The following ELFN1 variants were observed in gnomAD, a reference collection of about 807,000 sequenced individuals.
ELFN1 encodes extracellular leucine rich repeat and fibronectin type III domain containing 1, also known as protein ELFN1.
Under a neutral mutation model 7.6 loss-of-function variants are expected in ELFN1, and 6 were observed. That is an observed-to-expected ratio of 0.79 (90% CI 0.43 to 1.56). The LOEUF (loss-of-function observed/expected upper bound fraction) is 1.56, where lower values mean the gene tolerates loss of function less well. Among genes scored for constraint, ELFN1 ranks in the 40% most tolerant of loss-of-function variants. The pLI is 0.01. For missense variants in ELFN1, 1,169 were observed against 1,232.2 expected (o/e 0.95, Z 0.77); for synonymous variants, 657 against 588.1 (o/e 1.12, Z -1.70).
At chr7:1,732,767 T>C (rs1780351391) in intron 3 of ELFN1, among the ~76,000 whole-genome samples, 1 of 152,002 alleles carries the variant, frequency 6.6e-6, no homozygotes, top group Non-Finnish European at 1.5e-5. Flanking sequence ...AAAGCAAGCA[T>C]CTCCAGGCTG....
intron 1 of ELFN1, among the ~76,000 whole-genome samples, chr7:1,677,816 T>G (rs1184074804): frequency 2.6e-5 from 4 of 151,978 alleles, no homozygotes; most frequent in Non-Finnish European, 4.4e-5. Context: ...GGATGGAGGC[T>G]CTGAGATGCA....
At chr7:1,731,695 A>C (rs1780327961) in intron 3 of ELFN1, among the ~76,000 whole-genome samples, 1 of 152,230 alleles carries the variant, frequency 6.6e-6, no homozygotes, top group East Asian at 1.9e-4. Context: ...TCTGTCGCCC[A>C]GGCTGGGGTG....
At chr7:1,741,864 G>T (rs777359725) in intron 3 of ELFN1, among the ~76,000 whole-genome samples, 2 of 152,148 alleles carry the variant, frequency 1.3e-5, no homozygotes, top group African/African-American at 4.8e-5. Context: ...CAGACAGGGG[G>T]TCCTCAGTGA....
intron 1 of ELFN1, among the ~76,000 whole-genome samples, chr7:1,679,116 C>T (rs1778925961): frequency 6.6e-6 from 1 of 152,074 alleles, no homozygotes; most frequent in Non-Finnish European, 1.5e-5. Context: ...CAGCTAGAGC[C>T]CACCCCCCAC....
At chr7:1,676,820 G>T (rs139361835) in intron 1 of ELFN1, among the ~76,000 whole-genome samples, 3 of 152,372 alleles carry the variant, frequency 2.0e-5, no homozygotes, top group Non-Finnish European at 4.4e-5. Context: ...GGCTGCTCCT[G>T]TGTCGGAGCT....
Position 1,747,302 on chromosome 7 carries a change from C to CCACACACACACACA in ELFN1, c.*239_*252dup, listed in dbSNP as rs143376319. ...GCTTGTCGCCCCGGGTGGCACGTGT[C>CCACACACACACACA]CACACACACACACACACACACACAC... On this transcript the variant is annotated 3_prime_UTR_variant, in exon 4 of 4. Coordinates refer to ENST00000424383, the MANE Select transcript of ELFN1 (RefSeq NM_001128636.4). The CCACACACACACACA allele has an allele frequency of 3.4e-4, 91 of 270,272 alleles. 1 individual carries two copies. The highest frequency in any genetic ancestry group is 2.5e-3 in the African/African-American group (79 of 31,934). The allele number at this position is 270,272 out of a possible 1,614,324, so 16.7% of individuals were successfully genotyped here. A position where few individuals can be genotyped will look rare whatever the true frequency, so the allele number is the denominator to read the frequency against.
chr7:1,678,872 G>A (rs1052557277), intron 1 of ELFN1, among the ~76,000 whole-genome samples: 4 of 152,226 alleles, frequency 2.6e-5, no homozygotes, highest in Non-Finnish European at 4.4e-5. Context: ...TGCGGGCATC[G>A]CGTGGACACG....
In ELFN1 at chr7:1,720,542, C is replaced by G. The variant is rs536270610; in HGVS notation, c.-294+11290C>G. 1.4e-4 allele frequency among the ~76,000 whole-genome samples: 21 copies of G among 152,366 alleles called. No homozygotes were observed. The South Asian group carries it at 4.1e-3, about 30-fold the overall frequency. On this transcript the variant is annotated intron_variant, in intron 3 of 3. Coordinates refer to ENST00000424383, the MANE Select transcript of ELFN1 (RefSeq NM_001128636.4). ...ATGAATGGAAAACCGCCTTCAATAA[C>G]CGGGCCCCATCTAACCAGGCAGGTG... is the stretch of plus-strand genomic sequence containing the variant.
chr7:1,695,584 A>G lies in ELFN1; in HGVS notation c.-456+7434A>G, dbSNP rs1779285245. ...AACATGGAGAAACCCCGTCTCTACT[A>G]AAAAATACAAAAATTAGCCGGGCGT... is the stretch of plus-strand genomic sequence containing the variant. On this transcript the variant is annotated intron_variant, in intron 2 of 3. Coordinates refer to ENST00000424383, the MANE Select transcript of ELFN1 (RefSeq NM_001128636.4). The surrounding 1 kb of genome is among the most constrained non-coding windows in gnomAD (Gnocchi z 5.1). Among the ~76,000 whole-genome samples the G allele has an allele frequency of 1.3e-5, 2 of 151,804 alleles. No homozygotes were observed. Among genetic ancestry groups the G allele is most frequent in the South Asian group, 4.2e-4 (2 of 4,804 alleles).
At chr7:1,667,516 C>T (rs1267437479), upstream of ELFN1, among the ~76,000 whole-genome samples, 1 of 152,186 alleles carries the variant, frequency 6.6e-6, no homozygotes. The surrounding 1 kb of genome is among the most constrained non-coding windows in gnomAD (Gnocchi z 8.2). Context: ...CTTCGCGCGC[C>T]TCGAGGGCCC....
intron 3 of ELFN1, among the ~76,000 whole-genome samples, chr7:1,710,249 C>T (rs1480294152): frequency 1.3e-5 from 2 of 152,322 alleles, no homozygotes; most frequent in Admixed American, 6.5e-5. Flanking sequence ...TGGGAATTTT[C>T]GGGTTCTCTC....
In ELFN1 at chr7:1,740,255, G is replaced by C. The variant is rs1013819243; in HGVS notation, c.-293-4049G>C. 1.6e-4 allele frequency among the ~76,000 whole-genome samples: 24 copies of C among 152,188 alleles called. No homozygotes were observed. The highest frequency in any genetic ancestry group is 5.8e-4 in the African/African-American group (24 of 41,444). On this transcript the variant is annotated intron_variant, in intron 3 of 3. Coordinates refer to ENST00000424383, the MANE Select transcript of ELFN1 (RefSeq NM_001128636.4). The surrounding 1 kb of genome is among the most constrained non-coding windows in gnomAD (Gnocchi z 5.0). ...AGCTCCTTTCAGGCAGTGGGGAGCC[G>C]CCCTCCTGAGGGATGCCTATTGCCC...
intron 2 of ELFN1, among the ~76,000 whole-genome samples, chr7:1,707,294 C>T (rs1317331848): frequency 1.3e-5 from 2 of 152,252 alleles, no homozygotes; most frequent in Non-Finnish European, 2.9e-5. Context: ...GACCCCTCCA[C>T]GTGACTGCAG....
chr7:1,732,690 G>A (rs901716166), intron 3 of ELFN1, among the ~76,000 whole-genome samples: 4 of 152,088 alleles, frequency 2.6e-5, no homozygotes, highest in African/African-American at 7.2e-5. Context: ...TCCCCGAGCC[G>A]CAAAGCAGGG....
intron 1 of ELFN1, among the ~76,000 whole-genome samples, chr7:1,675,858 C>T (rs1778860539): frequency 6.6e-6 from 1 of 152,232 alleles, no homozygotes; most frequent in Non-Finnish European, 1.5e-5. Context: ...GCTGCCCCGC[C>T]AGGGCTGCAT....
intron 3 of ELFN1, among the ~76,000 whole-genome samples, chr7:1,734,611 G>A (rs1562384380): frequency 6.6e-6 from 1 of 152,192 alleles, no homozygotes; most frequent in Admixed American, 6.5e-5. Context: ...AGGGCCTTGG[G>A]GAGGGTCTGT....
At position 1,746,185 on chromosome 7, in the gene ELFN1, C is replaced by G. The variant is rs1780780192; in HGVS notation, c.1589C>G (p.Thr530Ser). ...ASKGSYMEVR[T>S]GDPPERRDCE... is the part of the protein sequence containing the mutation. ...AAGGGCAGCTACATGGAGGTTCGAA[C>G]CGGGGACCCTCCGGAACGCAGGGAC... The change falls in exon 4 of 4, where the codon ACC (threonine) becomes AGC (serine). Residue 530 changes from threonine to serine, a missense_variant. Transcript: ENST00000424383. 6.4e-7 allele frequency: 1 copy of G among 1,550,410 alleles called. No individual in the cohort carries two copies. Among genetic ancestry groups the G allele is most frequent in the African/African-American group, 1.4e-5 (1 of 73,032 alleles).
In ELFN1 at chr7:1,740,756, TCA is replaced by T. The variant is rs1349241999; in HGVS notation, c.-293-3545_-293-3544del. Among the ~76,000 whole-genome samples the T allele has an allele frequency of 3.3e-5, 5 of 152,082 alleles. No individual in the cohort carries two copies. Among genetic ancestry groups the T allele is most frequent in the Non-Finnish European group, 7.4e-5 (5 of 67,998 alleles). On this transcript the variant is annotated intron_variant, in intron 3 of 3. Coordinates refer to ENST00000424383, the MANE Select transcript of ELFN1 (RefSeq NM_001128636.4). The surrounding 1 kb of genome is among the most constrained non-coding windows in gnomAD (Gnocchi z 5.0). Reference sequence around the variant, plus strand: ...TGACAGGAGGCTGCACAGGGCTGACTCACAGTGTGACTTCGGACAAGTCCTTC... The same window carrying T: ...TGACAGGAGGCTGCACAGGGCTGACTCAGTGTGACTTCGGACAAGTCCTTC...
chr7:1,717,117 C>T (rs1779857828), intron 3 of ELFN1, among the ~76,000 whole-genome samples: 1 of 152,188 alleles, frequency 6.6e-6, no homozygotes, highest in Non-Finnish European at 1.5e-5. Context: ...CTCCGTAACA[C>T]CACAGCCCTG....
Sources: gnomAD v4.1 joint callset for allele counts (sites outside exome capture counted in the v4.1 genomes callset) on GRCh38, gnomAD v4.1.1 for gene constraint, Gnocchi (gnomAD v3.1) non-coding constraint, MANE v1.5 for transcripts, NCBI Gene and HGNC (gene_info 2026-07-23, HGNC 2026-07-21) for gene names.